Variants in RBFA observed in about 807,000 individuals in gnomAD.
RBFA encodes the protein putative ribosome-binding factor A, mitochondrial.
A neutral mutation model predicts 27.9 loss-of-function variants in RBFA; 16 were observed. That is an observed-to-expected ratio of 0.57 (90% CI 0.39 to 0.87). The LOEUF is 0.87. Ranked by LOEUF, RBFA falls within the 40% of genes least tolerant of loss-of-function variation. The pLI is 0.00. For synonymous variants in RBFA, 181 were observed against 181.0 expected (o/e 1.00, Z 0.00); for missense variants, 456 against 432.1 (o/e 1.06, Z -0.49).
In RBFA at chr18:80,044,252, A is replaced by G. The variant is rs1236907536; in HGVS notation, c.617A>G (p.Asp206Gly). The change falls in exon 6 of 7, where the codon GAT (aspartate) becomes GGT (glycine). Residue 206 changes from aspartate (D) to glycine (G), a missense_variant. Transcript: ENST00000306735. The stretch of plus-strand genomic sequence containing the variant: ...GCAGTCGCAGACTTTGGACCCCGGG[A>G]TGAAAGAGACAACTTTGTACAAAAT... Reference protein sequence around the residue: ...LLAVADFGPRDERDNFVQNDF... With the variant: ...LLAVADFGPRGERDNFVQNDF... 3.7e-6 allele frequency: 6 copies of G among 1,614,098 alleles called. No individual in the cohort carries two copies.
chr18:80,037,821 G>A (rs904747163), intron 3 of RBFA, among the ~76,000 whole-genome samples: 6 of 152,292 alleles, frequency 3.9e-5, no homozygotes, highest in African/African-American at 9.6e-5. Context: ...CCCAGGAGGC[G>A]GAGGTTGCAG....
rs2052057621 is a variant in RBFA at position 80,046,705 on chromosome 18, C to A, written c.*550C>A. 6.6e-6 allele frequency among the ~76,000 whole-genome samples: 1 copy of A among 152,250 alleles called. No homozygotes were observed. The highest frequency in any genetic ancestry group is 2.4e-5 in the African/African-American group (1 of 41,470). On this transcript the variant is annotated 3_prime_UTR_variant, in exon 7 of 7. Transcript: ENST00000306735. ...CTTCACAGCTTTGTGCAGCAGGCTC[C>A]ACCTTCTGGTTCAGGCCAAGGTTGG...
intron 4 of RBFA, among the ~76,000 whole-genome samples, chr18:80,039,688 T>C (rs1236776921): frequency 1.3e-5 from 2 of 152,212 alleles, no homozygotes; most frequent in Non-Finnish European, 2.9e-5. Flanking sequence ...CTGATGAGAT[T>C]GGCAGCGACC....
rs145560437 is a variant in RBFA, at chr18:80,047,700, A to G, written c.*1545A>G. On this transcript the variant is annotated 3_prime_UTR_variant, in exon 7 of 7. Coordinates refer to ENST00000306735, the MANE Select transcript of RBFA (RefSeq NM_024805.3). ...ACATGATGGTATGAGTAGGAGAGAG[A>G]AAAAAAAAAGGGAGCCAGAAATTAG... Among the ~76,000 whole-genome samples the G allele has an allele frequency of 1.0e-4, 1 of 9,792 alleles. No homozygotes were observed. The highest frequency in any genetic ancestry group is 1.7e-4 in the African/African-American group (1 of 5,778). 6.4% of individuals were successfully genotyped at this position (9,792 alleles called of 152,430 possible).
In RBFA at chr18:80,038,493, G is replaced by A. The variant is rs759038300; in HGVS notation, c.379-12G>A. 1 of 1,587,666 alleles carries A rather than the reference G, an allele frequency of 6.3e-7. No individual in the cohort carries two copies. The highest frequency in any genetic ancestry group is 1.7e-5 in the Admixed American group (1 of 58,286). Reference sequence around the variant, plus strand: ...AAGCTAAAAAGTGACCTGTGGAGGGGCGGGGTCTCAGGTTTCCCTGACTCC... The same window carrying A: ...AAGCTAAAAAGTGACCTGTGGAGGGACGGGGTCTCAGGTTTCCCTGACTCC... On this transcript the variant is annotated splice_polypyrimidine_tract_variant and intron_variant, in intron 3 of 6. Transcript: ENST00000306735.
chr18:80,050,252 A>G lies in RBFA; in HGVS notation c.*4097A>G, dbSNP rs548817438. On this transcript the variant is annotated 3_prime_UTR_variant, in exon 7 of 7. Transcript: ENST00000306735. Reference sequence around the variant, plus strand: ...CCACCCAGGCCAGGGTAAGGGGAGCAGAGACCTTTTGGTTCCTGGTTTGTG... The same window carrying G: ...CCACCCAGGCCAGGGTAAGGGGAGCGGAGACCTTTTGGTTCCTGGTTTGTG... Among the ~76,000 whole-genome samples the G allele has an allele frequency of 3.9e-5, 6 of 152,330 alleles. 1 individual carries two copies. In the East Asian group the frequency reaches 1.2e-3, roughly 29 times the overall value.
At chr18:80,038,456 G>A in intron 3 of RBFA, 49 bp from the exon 4 acceptor site, 4 of 1,295,658 alleles carry the variant, frequency 3.1e-6, no homozygotes, top group Non-Finnish European at 4.4e-6. Context: ...TGTTTGTCTT[G>A]AAAACCCATG....
chr18:80,037,479 G>A lies in RBFA; in HGVS notation c.351G>A (p.Leu117=), dbSNP rs766925533. The A allele has an allele frequency of 1.8e-5, 29 of 1,613,484 alleles. No homozygotes were observed. Among genetic ancestry groups the A allele is most frequent in the Non-Finnish European group, 2.3e-5 (27 of 1,179,584 alleles). The change falls in exon 3 of 7, where the codon CTG becomes CTA. Residue 117 remains leucine, a synonymous_variant. Coordinates refer to ENST00000306735, the MANE Select transcript of RBFA (RefSeq NM_024805.3). ...LLCTPEVSQE[L]YDLNVELSKV... ...GTACCCCTGAAGTGAGTCAGGAGCT[G>A]TATGACCTTAACGTGGAGCTCTCCA...
intron 4 of RBFA, among the ~76,000 whole-genome samples, chr18:80,039,809 G>C (rs901168416): frequency 1.3e-5 from 2 of 152,222 alleles, no homozygotes; most frequent in African/African-American, 4.8e-5. Flanking sequence ...AAAACCATAC[G>C]CTGAGAGATC....
Position 80,042,217 on chromosome 18 carries a change from G to A in RBFA, c.574G>A (p.Glu192Lys). Residue 192 changes from glutamate to lysine, a missense_variant and splice_region_variant, in exon 5 of 7, where the codon GAG becomes AAG. By Grantham distance (56) the Glu-to-Lys change is moderately conservative. Transcript: ENST00000306735. ...VQDKGNAALA[E>K]LDQLLAVADF... ...AGACAAGGGAAATGCAGCTCTAGCTGAGGTAAGGTTTTCAAAAAAACTTTT... is the reference window on the plus strand; with the variant it reads ...AGACAAGGGAAATGCAGCTCTAGCTAAGGTAAGGTTTTCAAAAAAACTTTT... 6.3e-7 allele frequency: 1 copy of A among 1,579,010 alleles called. No individual in the cohort carries two copies. The highest frequency in any genetic ancestry group is 8.6e-7 in the Non-Finnish European group (1 of 1,167,108).
intron 5 of RBFA, among the ~76,000 whole-genome samples, chr18:80,042,688 T>C (rs540408439): frequency 1.3e-5 from 2 of 151,800 alleles, no homozygotes; most frequent in Non-Finnish European, 2.9e-5. Context: ...GAAGAATCAG[T>C]TGAACCGGGA....
At chr18:80,036,804 A>G (rs1322211303) in intron 2 of RBFA, 94 bp downstream of exon 2, 5 of 846,164 alleles carry the variant, frequency 5.9e-6, no homozygotes, top group South Asian at 1.6e-5. Flanking sequence ...CCATTTCTGT[A>G]TTGGAGGGGA....
intron 5 of RBFA, among the ~76,000 whole-genome samples, chr18:80,043,191 C>A (rs1349861874): frequency 6.6e-6 from 1 of 152,086 alleles, no homozygotes; most frequent in Non-Finnish European, 1.5e-5. Context: ...ATATGTTATA[C>A]CTTCAAAAAG....
At chr18:80,044,035 A>T (rs1292930031) in intron 5 of RBFA, among the ~76,000 whole-genome samples, 177 bp from the exon 6 acceptor site, 1 of 152,246 alleles carries the variant, frequency 6.6e-6, no homozygotes, top group Non-Finnish European at 1.5e-5. Flanking sequence ...ACAGTAAGGT[A>T]TTTGAAAGCA....
At chr18:80,037,226 T>C (rs1399651021) in intron 2 of RBFA, 104 bp from the exon 3 acceptor site, 26 of 809,296 alleles carry the variant, frequency 3.2e-5, no homozygotes, top group East Asian at 2.5e-4. Context: ...ATAGCTGCTG[T>C]TGATCTGGTT....
In RBFA at chr18:80,036,650, C is replaced by A; in HGVS notation, c.159-18C>A. 1 of 1,605,624 alleles carries A rather than the reference C, an allele frequency of 6.2e-7. No individual in the cohort carries two copies. The highest frequency in any genetic ancestry group is 2.2e-5 in the East Asian group (1 of 44,818). On this transcript the variant is annotated intron_variant, in intron 1 of 6. Coordinates refer to ENST00000306735, the MANE Select transcript of RBFA (RefSeq NM_024805.3). ...TGACTTTGCCATCACTAACATAATG[C>A]TTATTTTCTCCCCAAAGAAAAAAGG... is the stretch of plus-strand genomic sequence containing the variant.
At chr18:80,034,734 C>T (rs1317615325) in intron 1 of RBFA, 81 bp downstream of exon 1, 21 of 1,562,340 alleles carry the variant, frequency 1.3e-5, no homozygotes, top group Middle Eastern at 1.7e-4. Flanking sequence ...CGCTCATCCG[C>T]GTTCTTGCGC....
At position 80,049,739 on chromosome 18, in the gene RBFA, A is replaced by G. The variant is rs1599774977; in HGVS notation, c.*3584A>G. 6.6e-6 allele frequency among the ~76,000 whole-genome samples: 1 copy of G among 152,226 alleles called. No individual in the cohort carries two copies. The highest frequency in any genetic ancestry group is 1.5e-5 in the Non-Finnish European group (1 of 68,038). On this transcript the variant is annotated 3_prime_UTR_variant, in exon 7 of 7. Transcript: ENST00000306735. ...TGCAGATGGCCCAGTAAGCAACTCT[A>G]CAAACATTAGAACATTTTGAGGTAG...
rs149653457 is a variant in RBFA at position 80,042,735 on chromosome 18, C to T, written c.576+516C>T. 2.0e-5 allele frequency among the ~76,000 whole-genome samples: 3 copies of T among 151,436 alleles called. No homozygotes were observed. In the East Asian group the frequency reaches 5.8e-4, roughly 29 times the overall value. Reference sequence around the variant, plus strand: ...GCAGTGAGCCGAGATTGTGCCACTGCACTCCAGGCAGCAGAGTGAGAGACT... The same window carrying T: ...GCAGTGAGCCGAGATTGTGCCACTGTACTCCAGGCAGCAGAGTGAGAGACT... On this transcript the variant is annotated intron_variant, in intron 5 of 6. Transcript: ENST00000306735.
Sources: gnomAD v4.1 joint callset for allele counts (sites outside exome capture counted in the v4.1 genomes callset) on GRCh38, gnomAD v4.1.1 for gene constraint, MANE v1.5 for transcripts, NCBI Gene and HGNC (gene_info 2026-07-23, HGNC 2026-07-21) for gene names.